CLCA1: variants seen among roughly 807,000 people sequenced by gnomAD.
CLCA1 encodes calcium-activated chloride channel regulator 1.
In CLCA1, 59 loss-of-function variants were observed where a neutral mutation model predicts 85.6. The observed-to-expected ratio is 0.69, with a 90% CI of 0.56 to 0.86. The LOEUF (loss-of-function observed/expected upper bound fraction) is 0.86. Ranked by LOEUF, CLCA1 falls within the 40% of genes least tolerant of loss-of-function variation. The probability of loss-of-function intolerance (pLI) is 0.00; values close to 1 mark genes in which losing one functional copy is unlikely to be tolerated. For missense variants in CLCA1, 1,022 were observed against 1,101.4 expected, an observed-to-expected ratio of 0.93 and a Z score of 1.02; for synonymous variants, 396 against 398.3, an observed-to-expected ratio of 0.99 and a Z score of 0.07.
Position 86,486,731 on chromosome 1 carries a change from G to A in CLCA1, c.1160G>A (p.Ser387Asn), listed in dbSNP as rs780142864. The A allele has an allele frequency of 1.9e-6, 3 of 1,614,100 alleles. No individual in the cohort carries two copies. Among genetic ancestry groups the A allele is most frequent in the African/African-American group, 1.3e-5 (1 of 74,930 alleles). ...AAASGGTSIC[S>N]GLRSAFTVIR... ...GCTTCAGGAGGGACGTCCATCTGCA[G>A]CGGGCTTCGATCGGCATTTACTGTG... Residue 387 changes from serine to asparagine, a missense_variant, in exon 7 of 14, where the codon AGC becomes AAC. Physicochemically the swap from Ser to Asn is conservative, Grantham distance 46 (BLOSUM62 1). Transcript: ENST00000394711.
At chr1:86,494,814 C>A (rs1461598822) in intron 11 of CLCA1, among the ~76,000 whole-genome samples, 1 of 152,062 alleles carries the variant, frequency 6.6e-6, no homozygotes, top group Non-Finnish European at 1.5e-5. Flanking sequence ...TGTGTGTATA[C>A]ACAAATACAT....
chr1:86,497,926 T>A (rs2753355), intron 12 of CLCA1, among the ~76,000 whole-genome samples: 3 of 152,004 alleles, frequency 2.0e-5, no homozygotes, highest in Non-Finnish European at 2.9e-5. Flanking sequence ...GTGGATCACC[T>A]GAGGTTAGGA....
At chr1:86,491,421 A>C in intron 9 of CLCA1, 50 bp downstream of exon 9, 1 of 1,267,084 alleles carries the variant, frequency 7.9e-7, no homozygotes. Flanking sequence ...AATCATAGCC[A>C]AGATGGAGAA....
intron 8 of CLCA1, among the ~76,000 whole-genome samples, chr1:86,490,227 C>A (rs537763475): frequency 5.6e-4 from 85 of 152,184 alleles, no homozygotes; most frequent in African/African-American, 1.9e-3. Flanking sequence ...AAGATAATTC[C>A]CTGGAAGAGG....
rs142699292 is a variant in CLCA1 at position 86,494,358 on chromosome 1, G to A, written c.1852G>A (p.Ala618Thr). 5.5e-5 allele frequency: 88 copies of A among 1,614,192 alleles called. No individual in the cohort carries two copies. The Middle Eastern group carries it at 8.2e-4, about 15-fold the overall frequency. ...AGTTTATGCAAATATTCGCCAAGGA[G>A]CCTCCCCAATTCTCAGGGCCAGTGT... ...LVVYANIRQG[A>T]SPILRASVTA... Residue 618 changes from alanine (A) to threonine (T), a missense_variant, in exon 11 of 14, where the codon GCC (alanine) becomes ACC (threonine). Transcript: ENST00000394711.
In CLCA1 at chr1:86,499,851, G is replaced by T. The variant is rs775728036; in HGVS notation, c.2551G>T (p.Asp851Tyr). ...FIAIQAVDKV[D>Y]LKSEISNIAR... ...TGCTATTCAGGCTGTTGATAAGGTC[G>T]ATCTGAAATCAGAAATATCCAACAT... The change falls in exon 14 of 14, where the codon GAT (aspartate) becomes TAT (tyrosine). Residue 851 changes from aspartate (D) to tyrosine (Y), a missense_variant. Physicochemically the swap from Asp to Tyr is radical, Grantham distance 160. Coordinates refer to ENST00000394711, the MANE Select transcript of CLCA1 (RefSeq NM_001285.4). 1.9e-6 allele frequency: 3 copies of T among 1,613,198 alleles called. No homozygotes were observed. In the Admixed American group the frequency reaches 5.0e-5, roughly 27 times the overall value.
intron 1 of CLCA1, among the ~76,000 whole-genome samples, chr1:86,471,833 T>C (rs1245335925): frequency 6.6e-6 from 1 of 152,056 alleles, no homozygotes; most frequent in Non-Finnish European, 1.5e-5. Context: ...AAATAAGTTC[T>C]TTAAGTTTAC....
chr1:86,483,541 C>T (rs141015686), intron 5 of CLCA1, among the ~76,000 whole-genome samples: 1 of 152,060 alleles, frequency 6.6e-6, no homozygotes, highest in Non-Finnish European at 1.5e-5. Context: ...AAATCCCCCA[C>T]AGGCGAGAGA....
intron 11 of CLCA1, among the ~76,000 whole-genome samples, chr1:86,494,990 G>C (rs1233201626): frequency 6.7e-6 from 1 of 148,774 alleles, no homozygotes; most frequent in Non-Finnish European, 1.5e-5. Context: ...CATTATTCTT[G>C]TCTTTAAGAA....
At position 86,499,668 on chromosome 1, in the gene CLCA1, A is replaced by T; in HGVS notation, c.2368A>T (p.Ile790Phe). 1.9e-6 allele frequency: 3 copies of T among 1,582,728 alleles called. No individual in the cohort carries two copies. Among genetic ancestry groups the T allele is most frequent in the Non-Finnish European group, 2.6e-6 (3 of 1,156,522 alleles). ...TTTCTTTTTAGCTCACAAGTATATC[A>T]TTCGAATAAGTACAAGTATTCTTGA... ...YDHGTAHKYI[I>F]RISTSILDLR... Residue 790 changes from isoleucine (I) to phenylalanine (F), a missense_variant, in exon 14 of 14, where the codon ATT becomes TTT. Ile to Phe is a conservative substitution (Grantham distance 21). Coordinates refer to ENST00000394711, the MANE Select transcript of CLCA1 (RefSeq NM_001285.4).
chr1:86,475,635 T>C (rs1647619478), intron 3 of CLCA1, among the ~76,000 whole-genome samples: 1 of 152,022 alleles, frequency 6.6e-6, no homozygotes, highest in African/African-American at 2.4e-5. Flanking sequence ...TCTAGGCACA[T>C]AGAAGCTTGA....
intron 4 of CLCA1, among the ~76,000 whole-genome samples, chr1:86,478,029 C>A (rs1647718134): frequency 6.6e-6 from 1 of 152,168 alleles, no homozygotes; most frequent in African/African-American, 2.4e-5. Flanking sequence ...CGCACAGGAC[C>A]ATTACTGCTC....
intron 11 of CLCA1, 133 bp from the exon 12 acceptor site, chr1:86,495,372 C>A (rs1011107896): frequency 2.9e-6 from 2 of 687,220 alleles, no homozygotes; most frequent in South Asian, 2.1e-5. Context: ...CTCAACACAC[C>A]AAAATCTTAA....
chr1:86,480,132 ACT>A (rs1429067820), intron 4 of CLCA1, among the ~76,000 whole-genome samples: 3 of 152,148 alleles, frequency 2.0e-5, no homozygotes, highest in Non-Finnish European at 4.4e-5. Context: ...AGATAACAAA[ACT>A]CTTTCAATGC....
At chr1:86,498,911 C>T in intron 13 of CLCA1, 100 bp downstream of exon 13, 1 of 1,343,652 alleles carries the variant, frequency 7.4e-7, no homozygotes. Context: ...ACTTAGGGGG[C>T]AGAAGGCAGG....
At chr1:86,487,354 T>TAATGCC (rs5744372) in intron 7 of CLCA1, among the ~76,000 whole-genome samples, 2,432 of 152,290 alleles carry the variant, frequency 0.016, 64 homozygotes, top group African/African-American at 0.056. Context: ...GGGAGATGAC[T>TAATGCC]AATGCCAGAT....
chr1:86,491,204 T>C, intron 8 of CLCA1, 61 bp from the exon 9 acceptor site: 1 of 1,241,240 alleles, frequency 8.1e-7, no homozygotes, highest in Non-Finnish European at 1.2e-6. Flanking sequence ...AAACAACAGC[T>C]AAAATGTTGC....
intron 9 of CLCA1, among the ~76,000 whole-genome samples, chr1:86,491,578 A>C (rs530167179): frequency 1.3e-5 from 2 of 152,226 alleles, no homozygotes. Flanking sequence ...GTTTGGAAGC[A>C]ATACCAAGTG....
At chr1:86,476,925 T>C (rs1043138910) in intron 4 of CLCA1, among the ~76,000 whole-genome samples, 1 of 152,162 alleles carries the variant, frequency 6.6e-6, no homozygotes, top group African/African-American at 2.4e-5. Context: ...ATCTTCTTTT[T>C]TTGAGAAAGG....
Sources: allele counts gnomAD v4.1 joint callset (sites outside exome capture counted in the v4.1 genomes callset), GRCh38; gene constraint gnomAD v4.1.1; transcripts MANE v1.5; gene names NCBI Gene and HGNC (gene_info 2026-07-23, HGNC 2026-07-21).